The following PHF14 variants were observed in gnomAD, a reference collection of about 807,000 sequenced individuals.
PHF14 encodes PHD finger protein 14.
PHF14 carries 55 observed loss-of-function variants against 117.9 expected under a neutral mutation model. The observed-to-expected ratio is 0.47, with a 90% CI of 0.38 to 0.58. The LOEUF is 0.58. Among genes scored for constraint, PHF14 ranks in the 20% least tolerant of loss-of-function variants. The pLI is 0.00. For synonymous variants in PHF14, 409 were observed against 368.6 expected (o/e 1.11, Z -1.26); for missense variants, 978 against 1,122.2 (o/e 0.87, Z 1.84).
At chr7:11,018,143 A>AAGCAGAAAGAG (rs1284393287) in intron 5 of PHF14, among the ~76,000 whole-genome samples, 8 of 152,172 alleles carry the variant, frequency 5.3e-5, no homozygotes, top group Non-Finnish European at 8.8e-5. Flanking sequence ...TGACAGTACC[A>AAGCAGAAAGAG]TGCTGTTTTG....
At chr7:11,087,358 AT>A (rs1365949963) in intron 16 of PHF14, among the ~76,000 whole-genome samples, 1 of 151,918 alleles carries the variant, frequency 6.6e-6, no homozygotes, top group African/African-American at 2.4e-5. Flanking sequence ...TGCCCAGCTA[AT>A]TTTTATATTT....
At chr7:11,139,036 G>A (rs1788329711) in intron 17 of PHF14, among the ~76,000 whole-genome samples, 1 of 152,114 alleles carries the variant, frequency 6.6e-6, no homozygotes, top group Non-Finnish European at 1.5e-5. Context: ...AAATCTAAGG[G>A]AGCAAGGAAG....
intron 3 of PHF14, among the ~76,000 whole-genome samples, chr7:10,985,987 G>T (rs898126986): frequency 6.6e-6 from 1 of 151,566 alleles, no homozygotes; most frequent in Non-Finnish European, 1.5e-5. Flanking sequence ...TATTTTTTTT[G>T]AGACAGATTC....
chr7:11,169,533 A>G lies in PHF14; in HGVS notation c.*43A>G, dbSNP rs778968354. ...TTTTGAAAAGTTTGCAGCTTATGTA[A>G]TAGCAGATAAAATTTCTAATTGTAA... On this transcript the variant is annotated 3_prime_UTR_variant, in exon 18 of 18. Transcript: ENST00000634607. 2.5e-6 allele frequency: 2 copies of G among 798,878 alleles called. No individual in the cohort carries two copies. Among genetic ancestry groups the G allele is most frequent in the Admixed American group, 3.5e-5 (1 of 28,338 alleles). The allele number at this position is 798,878 out of a possible 1,614,324, so 49.5% of individuals were successfully genotyped here. A position where few individuals can be genotyped will look rare whatever the true frequency, so the allele number is the denominator to read the frequency against.
At chr7:11,075,127 CAG>C (rs1376559651) in intron 16 of PHF14, among the ~76,000 whole-genome samples, 1 of 151,844 alleles carries the variant, frequency 6.6e-6, no homozygotes, top group African/African-American at 2.4e-5. Flanking sequence ...TTAGAAGAGA[CAG>C]AGTTTCACCG....
At chr7:10,995,988 G>A (rs1782633216) in intron 4 of PHF14, among the ~76,000 whole-genome samples, 1 of 152,270 alleles carries the variant, frequency 6.6e-6, no homozygotes, top group South Asian at 2.1e-4. Flanking sequence ...TGCAGCTGCA[G>A]GCTGAAGGCT....
chr7:11,100,949 G>T (rs1320734698), intron 16 of PHF14, among the ~76,000 whole-genome samples: 1 of 151,906 alleles, frequency 6.6e-6, no homozygotes, highest in African/African-American at 2.4e-5. Context: ...TATATTGATA[G>T]TTACTGGTAT....
chr7:11,030,948 C>A (rs191540496), intron 7 of PHF14, among the ~76,000 whole-genome samples: 78 of 152,216 alleles, frequency 5.1e-4, no homozygotes, highest in Admixed American at 2.0e-3. Context: ...ATGAAGTTTG[C>A]ATTTGACAGT....
chr7:10,989,558 A>G (rs1404632736), intron 3 of PHF14, among the ~76,000 whole-genome samples: 5 of 152,198 alleles, frequency 3.3e-5, no homozygotes, highest in African/African-American at 1.2e-4. Context: ...TATAATGCAG[A>G]AGGTTTAAAT....
At chr7:11,123,548 G>A (rs930858610) in intron 17 of PHF14, among the ~76,000 whole-genome samples, 4 of 152,236 alleles carry the variant, frequency 2.6e-5, no homozygotes, top group African/African-American at 4.8e-5. Flanking sequence ...TTGGGAGGCC[G>A]AGACAGGCAG....
Position 11,037,121 on chromosome 7 carries a change from T to C in PHF14, c.1980+30T>C, listed in dbSNP as rs1244696178. ...GTTAGCTACAAAATATGCAACATAATGTGATAGATCTTACTGATGATTTCT... is the reference window on the plus strand; with the variant it reads ...GTTAGCTACAAAATATGCAACATAACGTGATAGATCTTACTGATGATTTCT... On this transcript the variant is annotated intron_variant, in intron 10 of 17. Transcript: ENST00000634607. The C allele has an allele frequency of 2.7e-6, 4 of 1,458,184 alleles. No individual in the cohort carries two copies. The African/African-American group carries it at 5.8e-5, about 21-fold the overall frequency. 90.3% of individuals were successfully genotyped at this position (1,458,184 alleles called of 1,614,324 possible). A position where few individuals can be genotyped will look rare whatever the true frequency, so the allele number is the denominator to read the frequency against.
At chr7:11,159,811 G>GA (rs1015801704) in intron 17 of PHF14, among the ~76,000 whole-genome samples, 1 of 151,984 alleles carries the variant, frequency 6.6e-6, no homozygotes, top group Admixed American at 6.6e-5. Context: ...TTTATAGAAA[G>GA]AAAAAATTCT....
At chr7:11,027,279 A>G (rs1305850771) in intron 6 of PHF14, among the ~76,000 whole-genome samples, 3 of 152,078 alleles carry the variant, frequency 2.0e-5, no homozygotes, top group African/African-American at 7.2e-5. Context: ...ATATTATACC[A>G]TTTATGTTCT....
chr7:10,989,374 A>C (rs1583334389), intron 3 of PHF14, among the ~76,000 whole-genome samples: 1 of 152,204 alleles, frequency 6.6e-6, no homozygotes, highest in African/African-American at 2.4e-5. Flanking sequence ...ATATTTATGA[A>C]AAATATATAT....
At chr7:11,120,955 A>G (rs191212523) in intron 17 of PHF14, among the ~76,000 whole-genome samples, 1 of 152,184 alleles carries the variant, frequency 6.6e-6, no homozygotes, top group Non-Finnish European at 1.5e-5. Context: ...CTATAAAGGC[A>G]TATTTTTTTC....
chr7:11,023,514 C>T (rs767221796), intron 6 of PHF14, among the ~76,000 whole-genome samples: 3 of 152,110 alleles, frequency 2.0e-5, no homozygotes, highest in Non-Finnish European at 4.4e-5. Flanking sequence ...CCTCTCTGTT[C>T]GCTGAGACAC....
At chr7:11,002,918 T>C (rs1034204527) in intron 4 of PHF14, among the ~76,000 whole-genome samples, 1 of 152,058 alleles carries the variant, frequency 6.6e-6, no homozygotes, top group African/African-American at 2.4e-5. Context: ...CACCTCTTGC[T>C]CCAGCTCTTC....
intron 17 of PHF14, among the ~76,000 whole-genome samples, chr7:11,137,590 C>CTTTTTTTT (rs5882293): frequency 4.3e-5 from 4 of 93,964 alleles, no homozygotes; most frequent in Non-Finnish European, 6.1e-5. Context: ...CTTAAAAATT[C>CTTTTTTTT]TTTTTTTTTT....
At chr7:11,049,045 C>G (rs990800596) in intron 13 of PHF14, among the ~76,000 whole-genome samples, 1 of 151,728 alleles carries the variant, frequency 6.6e-6, no homozygotes, top group Admixed American at 6.6e-5. Context: ...AAAAGAGAAG[C>G]GAAGAGGAAA....
Sources: allele counts gnomAD v4.1 joint callset (sites outside exome capture counted in the v4.1 genomes callset), GRCh38; gene constraint gnomAD v4.1.1; transcripts MANE v1.5; gene names NCBI Gene and HGNC (gene_info 2026-07-23, HGNC 2026-07-21).